Variants in GGT7 observed in about 807,000 individuals in gnomAD.
GGT7 encodes gamma-glutamyltransferase 7.
In GGT7, 30 loss-of-function variants were observed where a neutral mutation model predicts 69.2. The ratio of observed to expected loss-of-function variants is 0.43; its 90% CI spans 0.32 to 0.59. GGT7 has a LOEUF of 0.59. GGT7 is among the 20% of genes least tolerant of loss of function. The probability of loss-of-function intolerance (pLI) is 0.05; values close to 1 mark genes in which losing one functional copy is unlikely to be tolerated. For synonymous variants in GGT7, 388 were observed against 391.8 expected (o/e 0.99, Z 0.12); for missense variants, 733 against 901.1 (o/e 0.81, Z 2.39).
intron 1 of GGT7, among the ~76,000 whole-genome samples, chr20:34,866,247 G>C (rs1480393106): frequency 6.6e-6 from 1 of 152,242 alleles, no homozygotes; most frequent in East Asian, 1.9e-4. Flanking sequence ...GAGTTTTTTT[G>C]GTTTGAAATT....
At chr20:34,854,767 C>A in intron 9 of GGT7, 29 bp downstream of exon 9, 1 of 1,613,682 alleles carries the variant, frequency 6.2e-7, no homozygotes, top group Non-Finnish European at 8.5e-7. Context: ...ATCCTTAAAT[C>A]CAGGGAAAGG....
chr20:34,872,730 C>A lies in GGT7; in HGVS notation c.86G>T (p.Arg29Leu), dbSNP rs866954037. 3 of 1,497,976 alleles carry A rather than the reference C, an allele frequency of 2.0e-6. No homozygotes were observed. Among genetic ancestry groups the A allele is most frequent in the Non-Finnish European group, 2.7e-6 (3 of 1,126,502 alleles). The allele number at this position is 1,497,976 out of a possible 1,614,324, so 92.8% of individuals were successfully genotyped here. A position where few individuals can be genotyped will look rare whatever the true frequency, so the allele number is the denominator to read the frequency against. Residue 29 changes from arginine (R) to leucine (L), a missense_variant, in exon 1 of 15, where the codon CGG becomes CTG. Transcript: ENST00000336431. ...GGGCGCCGGCTCGTCCTCGGGCAGC[C>A]GCGGGAAGCTGGTGATGCTCATGTA... ...VDYMSITSFP[R>L]LPEDEPAPAA...
At chr20:34,871,529 T>G (rs1294336774) in intron 1 of GGT7, among the ~76,000 whole-genome samples, 1 of 152,230 alleles carries the variant, frequency 6.6e-6, no homozygotes, top group Non-Finnish European at 1.5e-5. Flanking sequence ...AACTCCATCT[T>G]CATTATCTCC....
At chr20:34,851,490 T>A in intron 12 of GGT7, 122 bp from the exon 13 acceptor site, 1 of 975,026 alleles carries the variant, frequency 1.0e-6, no homozygotes, top group African/African-American at 1.6e-5. Flanking sequence ...CCAGTTTTCC[T>A]GGGAGACTGG....
chr20:34,871,769 G>A (rs2079782547), intron 1 of GGT7, among the ~76,000 whole-genome samples: 1 of 152,230 alleles, frequency 6.6e-6, no homozygotes, highest in South Asian at 2.1e-4. Context: ...TCTAATGCCA[G>A]GAAGTGACGT....
intron 13 of GGT7, chr20:34,850,637 T>TA (rs2079373924): frequency 2.9e-6 from 1 of 348,776 alleles, no homozygotes; most frequent in Admixed American, 3.8e-5. Flanking sequence ...ATGTTAGCTA[T>TA]TGTTATTATT....
chr20:34,859,390 C>A (rs1359512234), intron 7 of GGT7, 53 bp downstream of exon 7: 3 of 1,399,602 alleles, frequency 2.1e-6, no homozygotes, highest in Non-Finnish European at 2.9e-6. Context: ...ACGCGGATGT[C>A]CTGCAATAGG....
chr20:34,860,822 C>G (rs1276709145), intron 4 of GGT7, among the ~76,000 whole-genome samples: 2 of 152,088 alleles, frequency 1.3e-5, no homozygotes, highest in Non-Finnish European at 2.9e-5. Flanking sequence ...TCAGGCTGGT[C>G]TCAAACTCCT....
intron 5 of GGT7, 40 bp from the exon 6 acceptor site, chr20:34,860,082 G>T: frequency 9.8e-7 from 1 of 1,019,340 alleles, no homozygotes; most frequent in East Asian, 2.5e-5. Context: ...GAGGTCCTGG[G>T]GGAATGAGGA....
At position 34,863,461 on chromosome 20, in the gene GGT7, C is replaced by A. The variant is rs1601241716; in HGVS notation, c.257G>T (p.Arg86Leu). The A allele has an allele frequency of 6.2e-7, 1 of 1,611,280 alleles. No homozygotes were observed. The highest frequency in any genetic ancestry group is 8.5e-7 in the Non-Finnish European group (1 of 1,179,142). Reference sequence around the variant, plus strand: ...GGAGAACGGGTCTTTGCGCGTCTCGCGTAGCGGCGACCCGTCTTGGCTGCC... The same window carrying A: ...GGAGAACGGGTCTTTGCGCGTCTCGAGTAGCGGCGACCCGTCTTGGCTGCC... ...EMGSQDGSPL[R>L]ETRKDPFSAA... The change falls in exon 2 of 15, where the codon CGC becomes CTC. Residue 86 changes from arginine to leucine, a missense_variant. Transcript: ENST00000336431. The surrounding 1 kb of genome is among the most constrained non-coding windows in gnomAD (Gnocchi z 4.4).
rs749320908 is a variant in GGT7 at position 34,854,572 on chromosome 20, G to A, written c.1278C>T (p.Val426=). The A allele has an allele frequency of 2.5e-6, 4 of 1,613,352 alleles. No individual in the cohort carries two copies. Among genetic ancestry groups the A allele is most frequent in the South Asian group, 1.1e-5 (1 of 91,006 alleles). Residue 426 remains valine (V), a synonymous_variant, in exon 10 of 15, where the codon GTC becomes GTT. Transcript: ENST00000336431. The stretch of plus-strand genomic sequence containing the variant: ...TGCTCTCAGTGATGGTAGAATCATA[G>A]ACGGGATCTCCCAGTCTGCTGGCCA... ...LALASRLGDP[V]YDSTITESMD... is the part of the protein sequence containing the mutation.
rs2079552290 is a variant in GGT7 at position 34,859,606 on chromosome 20, A to G, written c.851T>C (p.Met284Thr). 4 of 1,600,574 alleles carry G rather than the reference A, an allele frequency of 2.5e-6. No individual in the cohort carries two copies. The highest frequency in any genetic ancestry group is 4.5e-5 in the East Asian group (2 of 44,464). ...GAACGTCTCCCGGAAGCGCTCGGAC[A>G]TGTTGGGTGGCAGCTGTTCAGCCAG... ...RALAEQLPPN[M>T]SERFRETFLP... is the part of the protein sequence containing the mutation. Residue 284 changes from methionine to threonine, a missense_variant, in exon 7 of 15, where the codon ATG becomes ACG. Coordinates refer to ENST00000336431, the MANE Select transcript of GGT7 (RefSeq NM_178026.3).
rs376063680 is a variant in GGT7 at position 34,868,260 on chromosome 20, T to G, written c.169+4387A>C. ...ATCATAGCTATTCAAGACTCTCTAC[T>G]CCACCAGTCCATCATAAAGTTATTG... On this transcript the variant is annotated intron_variant, in intron 1 of 14. Coordinates refer to ENST00000336431, the MANE Select transcript of GGT7 (RefSeq NM_178026.3). 6.6e-5 allele frequency among the ~76,000 whole-genome samples: 10 copies of G among 152,320 alleles called. No homozygotes were observed. The East Asian group carries it at 1.7e-3, about 26-fold the overall frequency.
intron 1 of GGT7, among the ~76,000 whole-genome samples, chr20:34,866,239 GT>G (rs955379520): frequency 1.3e-5 from 2 of 152,272 alleles, no homozygotes; most frequent in Middle Eastern, 3.4e-3. Flanking sequence ...TGGGGTGGGA[GT>G]TTTTTTGGTT....
At chr20:34,853,318 C>G (rs969480026) in intron 10 of GGT7, among the ~76,000 whole-genome samples, 5 of 150,746 alleles carry the variant, frequency 3.3e-5, no homozygotes, top group African/African-American at 1.2e-4. Flanking sequence ...ACTGGATGAA[C>G]TGGTTGAATA....
chr20:34,858,242 G>T (rs747099761), intron 7 of GGT7, among the ~76,000 whole-genome samples: 1 of 152,214 alleles, frequency 6.6e-6, no homozygotes, highest in Non-Finnish European at 1.5e-5. Flanking sequence ...GGAGCAGGTG[G>T]AAAGGATCTG....
chr20:34,860,412 TG>T, intron 4 of GGT7, 91 bp from the exon 5 acceptor site: 1 of 984,914 alleles, frequency 1.0e-6, no homozygotes. Flanking sequence ...AAGCCAGGGA[TG>T]GCTGGCACAG....
Position 34,845,142 on chromosome 20 carries a change from CCA to C in GGT7, c.*184_*185del. 7.8e-6 allele frequency: 4 copies of C among 510,220 alleles called. No individual in the cohort carries two copies. Among genetic ancestry groups the C allele is most frequent in the Non-Finnish European group, 1.4e-5 (4 of 283,582 alleles). 31.6% of individuals were successfully genotyped at this position (510,220 alleles called of 1,614,324 possible). On this transcript the variant is annotated 3_prime_UTR_variant, in exon 15 of 15. Coordinates refer to ENST00000336431, the MANE Select transcript of GGT7 (RefSeq NM_178026.3). ...ACCACCACCACCACCACCACCACCA[CCA>C]CCACCACCACAGGCCTCCTGATGGA... is the stretch of plus-strand genomic sequence containing the variant.
chr20:34,853,340 GGTGTGTGTGTGTGTGTGTGT>G (rs10527077), intron 10 of GGT7, among the ~76,000 whole-genome samples: 7 of 147,424 alleles, frequency 4.7e-5, no homozygotes, highest in African/African-American at 7.5e-5. Flanking sequence ...ATTTCATATA[GGTGTGTGTGTGTGTGTGTGT>G]GTGTGTGTGT....
Sources: allele counts gnomAD v4.1 joint callset (sites outside exome capture counted in the v4.1 genomes callset), GRCh38; gene constraint gnomAD v4.1.1; non-coding constraint Gnocchi (gnomAD v3.1); transcripts MANE v1.5; gene names NCBI Gene and HGNC (gene_info 2026-07-23, HGNC 2026-07-21).